The following HDAC4 variants were observed in gnomAD, a reference collection of about 807,000 sequenced individuals.
HDAC4 encodes histone deacetylase 4, also known as histone deacetylase A.
A neutral mutation model predicts 135.1 loss-of-function variants in HDAC4; 16 were observed. That is an observed-to-expected ratio of 0.12 (90% CI 0.08 to 0.18). The LOEUF (loss-of-function observed/expected upper bound fraction) is 0.18. HDAC4 is among the 10% of genes least tolerant of loss of function. The pLI, the probability that HDAC4 is intolerant of heterozygous loss-of-function variation, is 1.00. For synonymous variants in HDAC4, 685 were observed against 653.4 expected (o/e 1.05, Z -0.74); for missense variants, 1,143 against 1,511.8 (o/e 0.76, Z 4.05).
At position 239,291,136 on chromosome 2, in the gene HDAC4, AC is replaced by A. The variant is rs369861329; in HGVS notation, c.23-54473del. 3.9e-5 allele frequency among the ~76,000 whole-genome samples: 6 copies of A among 152,148 alleles called. No homozygotes were observed. The East Asian group carries it at 1.2e-3, about 29-fold the overall frequency. ...GAAATCCAAGTTCCCAACAAAGAAA[AC>A]CCCAAATACAATAGTCCCTGGGGTC... On this transcript the variant is annotated intron_variant, in intron 2 of 26. Coordinates refer to ENST00000543185, the MANE Select transcript of HDAC4 (RefSeq NM_001378414.1).
intron 7 of HDAC4, among the ~76,000 whole-genome samples, chr2:239,152,861 G>C (rs1475948206): frequency 6.6e-6 from 1 of 152,198 alleles, no homozygotes; most frequent in Non-Finnish European, 1.5e-5. Flanking sequence ...AGAGAAACAA[G>C]AGCAGAAAAC....
At chr2:239,218,606 A>C (rs2153115305) in intron 3 of HDAC4, among the ~76,000 whole-genome samples, 1 of 151,230 alleles carries the variant, frequency 6.6e-6, no homozygotes, top group Non-Finnish European at 1.5e-5. Flanking sequence ...ACAAAAGCCA[A>C]AATTGACATA....
chr2:239,261,820 T>C (rs2049385125), intron 2 of HDAC4, among the ~76,000 whole-genome samples: 1 of 152,082 alleles, frequency 6.6e-6, no homozygotes, highest in Non-Finnish European at 1.5e-5. Flanking sequence ...CCTCGCTCCT[T>C]AACAGTGGCA....
rs1449602607 is a variant in HDAC4, at chr2:239,167,428, G to A, written c.491-3505C>T. ...TGGCGTTCATGCCCCATGCAGTGGG[G>A]GGCAGACATGACTGGGGTTCACACC... On this transcript the variant is annotated intron_variant, in intron 5 of 26. Transcript: ENST00000543185. The surrounding 1 kb of genome is among the most constrained non-coding windows in gnomAD (Gnocchi z 4.1). Among the ~76,000 whole-genome samples the A allele has an allele frequency of 6.6e-6, 1 of 152,212 alleles. No homozygotes were observed. The highest frequency in any genetic ancestry group is 1.5e-5 in the Non-Finnish European group (1 of 68,036).
Position 239,337,272 on chromosome 2 carries a change from A to G in HDAC4, c.22+15406T>C, listed in dbSNP as rs73102728. Among the ~76,000 whole-genome samples the G allele has an allele frequency of 5.1e-3, 773 of 152,254 alleles. 7 individuals carry two copies. Among genetic ancestry groups the G allele is most frequent in the African/African-American group, 0.018 (743 of 41,550 alleles). On this transcript the variant is annotated intron_variant, in intron 2 of 26. Coordinates refer to ENST00000543185, the MANE Select transcript of HDAC4 (RefSeq NM_001378414.1). ...CTGCTGTCAGATGCACGTGAGACTC[A>G]GCTGTACTCACCGGCGAAATAAACG...
Position 239,386,931 on chromosome 2 carries a change from A to C in HDAC4, c.-220+14047T>G, listed in dbSNP as rs187954417. ...ACTCCACCCTTCCTCATTAGGTGGCAGCGATCAGAGGTGAGTGGCTGTTCT... is the reference window on the plus strand; with the variant it reads ...ACTCCACCCTTCCTCATTAGGTGGCCGCGATCAGAGGTGAGTGGCTGTTCT... On this transcript the variant is annotated intron_variant, in intron 1 of 26. Coordinates refer to ENST00000543185, the MANE Select transcript of HDAC4 (RefSeq NM_001378414.1). Among the ~76,000 whole-genome samples, 6 of 152,358 alleles carry C rather than the reference A, an allele frequency of 3.9e-5. No individual in the cohort carries two copies. The East Asian group carries it at 1.2e-3, about 29-fold the overall frequency.
intron 1 of HDAC4, among the ~76,000 whole-genome samples, chr2:239,362,680 C>A (rs764948046): frequency 6.6e-6 from 1 of 152,182 alleles, no homozygotes; most frequent in East Asian, 1.9e-4. Context: ...GAGCAGCCTG[C>A]AGAACCCAGT....
chr2:239,178,248 C>G (rs557380626), intron 4 of HDAC4, among the ~76,000 whole-genome samples: 1 of 152,172 alleles, frequency 6.6e-6, no homozygotes, highest in Non-Finnish European at 1.5e-5. Context: ...GTGATTGTTC[C>G]GTTACCAGTT....
At chr2:239,368,602 G>A (rs1694388603) in intron 1 of HDAC4, among the ~76,000 whole-genome samples, 1 of 152,146 alleles carries the variant, frequency 6.6e-6, no homozygotes, top group African/African-American at 2.4e-5. Flanking sequence ...GTCCTGAGGA[G>A]AGGGGCACAG....
At chr2:239,121,346 GTAGTGGGGGTCA>G (rs954093697) in intron 12 of HDAC4, among the ~76,000 whole-genome samples, 10 of 152,176 alleles carry the variant, frequency 6.6e-5, no homozygotes, top group Non-Finnish European at 1.2e-4. Context: ...GGCGGTGGAG[GTAGTGGGGGTCA>G]TAGCGGGGGT....
At chr2:239,116,975 T>C (rs2039192856) in intron 12 of HDAC4, among the ~76,000 whole-genome samples, 1 of 152,240 alleles carries the variant, frequency 6.6e-6, no homozygotes, top group South Asian at 2.1e-4. Context: ...TTGCCATTCA[T>C]GTATCCATCT....
intron 2 of HDAC4, among the ~76,000 whole-genome samples, chr2:239,325,768 C>G (rs1248316049): frequency 6.6e-6 from 1 of 152,012 alleles, no homozygotes; most frequent in African/African-American, 2.4e-5. Context: ...AGTTCGAGAC[C>G]AGCCTGGTCA....
rs1286206293 is a variant in HDAC4, at chr2:239,146,741, C to G, written c.734-2027G>C. The stretch of plus-strand genomic sequence containing the variant: ...TTCCCTCCTCTCCCCTTCCACAGGC[C>G]TCTGCTCCACGCCCCTCCCAAGGCT... On this transcript the variant is annotated intron_variant, in intron 7 of 26. Transcript: ENST00000543185. This position sits in a 1 kb window ranked among gnomAD's most constrained non-coding sequence, Gnocchi z 4.5. Among the ~76,000 whole-genome samples the G allele has an allele frequency of 1.3e-5, 2 of 151,518 alleles. No homozygotes were observed. Among genetic ancestry groups the G allele is most frequent in the Non-Finnish European group, 2.9e-5 (2 of 67,834 alleles).
At chr2:239,280,808 A>T (rs1280127488) in intron 2 of HDAC4, among the ~76,000 whole-genome samples, 3 of 151,234 alleles carry the variant, frequency 2.0e-5, no homozygotes, top group Non-Finnish European at 4.4e-5. Flanking sequence ...CTCTACACAC[A>T]ATGTACACAC....
intron 2 of HDAC4, among the ~76,000 whole-genome samples, chr2:239,341,307 G>C (rs773211527): frequency 2.6e-5 from 4 of 152,266 alleles, no homozygotes; most frequent in Non-Finnish European, 4.4e-5. Context: ...CAGGTGTTCA[G>C]GCAAAGACAG....
intron 2 of HDAC4, chr2:239,298,388 T>C: frequency 1.3e-5 from 15 of 1,181,706 alleles, no homozygotes; most frequent in Non-Finnish European, 1.6e-5. Flanking sequence ...TCGCCAGAGC[T>C]CTTGCACCTC....
intron 3 of HDAC4, among the ~76,000 whole-genome samples, chr2:239,209,318 T>C (rs1230518981): frequency 2.8e-4 from 42 of 152,232 alleles, no homozygotes; most frequent in Admixed American, 2.7e-3. Flanking sequence ...GTTCATGATC[T>C]TAAAAGCTGA....
intron 15 of HDAC4, among the ~76,000 whole-genome samples, chr2:239,106,701 G>A (rs6710684): frequency 0.7 from 106,739 of 152,192 alleles, 39,064 homozygotes; most frequent in South Asian, 0.86. Flanking sequence ...GGTAAGATGA[G>A]GCACAGATTA....
At chr2:239,100,612 G>C (rs576815039) in intron 16 of HDAC4, among the ~76,000 whole-genome samples, 1 of 152,168 alleles carries the variant, frequency 6.6e-6, no homozygotes, top group Non-Finnish European at 1.5e-5. Flanking sequence ...GCTCCTAAGG[G>C]GGAAGTGCCA....
Sources: allele counts gnomAD v4.1 joint callset (sites outside exome capture counted in the v4.1 genomes callset), GRCh38; gene constraint gnomAD v4.1.1; non-coding constraint Gnocchi (gnomAD v3.1); transcripts MANE v1.5; gene names NCBI Gene and HGNC (gene_info 2026-07-23, HGNC 2026-07-21).